The following VOPP1 variants were observed in gnomAD, a reference collection of about 807,000 sequenced individuals.
The protein encoded by VOPP1 is WW domain binding protein VOPP1.
A neutral mutation model predicts 23.5 loss-of-function variants in VOPP1; 8 were observed. The observed-to-expected ratio is 0.34, with a 90% CI of 0.20 to 0.61. The LOEUF is 0.61. VOPP1 is among the 20% of genes least tolerant of loss of function. The probability of loss-of-function intolerance (pLI) is 0.78; values close to 1 mark genes in which losing one functional copy is unlikely to be tolerated. For missense variants in VOPP1, 174 were observed against 238.1 expected (o/e 0.73, Z 1.77); for synonymous variants, 83 against 97.3 (o/e 0.85, Z 0.86).
chr7:55,528,390 C>T (rs1045968573), intron 1 of VOPP1, among the ~76,000 whole-genome samples: 4 of 152,182 alleles, frequency 2.6e-5, no homozygotes, highest in Non-Finnish European at 5.9e-5. Context: ...GGAACCTGTA[C>T]ATTTTATTTT....
chr7:55,486,495 A>T (rs1299722259), intron 4 of VOPP1, among the ~76,000 whole-genome samples: 2 of 152,220 alleles, frequency 1.3e-5, no homozygotes, highest in Non-Finnish European at 2.9e-5. Flanking sequence ...CGTAAGAATA[A>T]CGGAGACAGA....
At chr7:55,541,294 G>A (rs73139628) in intron 1 of VOPP1, among the ~76,000 whole-genome samples, 13,956 of 152,172 alleles carry the variant, frequency 0.092, 886 homozygotes, top group East Asian at 0.27. Context: ...TTTTTTAAAT[G>A]GGCAAAGGAT....
At chr7:55,507,785 C>T (rs188305037) in intron 2 of VOPP1, among the ~76,000 whole-genome samples, 3 of 152,160 alleles carry the variant, frequency 2.0e-5, no homozygotes, top group Admixed American at 2.0e-4. Context: ...TGTGTTGAGA[C>T]GTGTGGTCCC....
intron 1 of VOPP1, among the ~76,000 whole-genome samples, chr7:55,546,093 G>T (rs982708009): frequency 8.6e-5 from 13 of 151,988 alleles, no homozygotes; most frequent in Non-Finnish European, 1.5e-4. Context: ...ATAAAGAAAA[G>T]AAAAAGTGAA....
At chr7:55,457,771 C>T (rs1024030043) in intron 4 of VOPP1, among the ~76,000 whole-genome samples, 1 of 151,934 alleles carries the variant, frequency 6.6e-6, no homozygotes, top group Non-Finnish European at 1.5e-5. Context: ...AGAAATGTCT[C>T]TTCATGTCCT....
chr7:55,565,289 G>A (rs1798128285), intron 1 of VOPP1, among the ~76,000 whole-genome samples: 1 of 152,060 alleles, frequency 6.6e-6, no homozygotes, highest in Non-Finnish European at 1.5e-5. Context: ...CTCATTTGTT[G>A]GATCTCTTTT....
chr7:55,468,316 G>C (rs1026876635), downstream of VOPP1, among the ~76,000 whole-genome samples: 24 of 150,230 alleles, frequency 1.6e-4, no homozygotes, highest in Admixed American at 4.0e-4. Context: ...AGAAAGAAAA[G>C]AGAGGCCCTG....
At chr7:55,485,693 G>A (rs902998602) in intron 4 of VOPP1, among the ~76,000 whole-genome samples, 15 of 152,182 alleles carry the variant, frequency 9.9e-5, no homozygotes, top group African/African-American at 2.7e-4. Flanking sequence ...GCCCGCACAC[G>A]GGACGTGCAC....
intron 4 of VOPP1, among the ~76,000 whole-genome samples, chr7:55,440,324 G>A (rs1383964260): frequency 6.6e-6 from 1 of 152,190 alleles, no homozygotes; most frequent in Non-Finnish European, 1.5e-5. Flanking sequence ...AGTTTCTGGG[G>A]TTGGCAGCTC....
rs1157317256 is a variant in VOPP1 at position 55,476,287 on chromosome 7, G to A, written c.329-3242C>T. On this transcript the variant is annotated intron_variant, in intron 4 of 4. Coordinates refer to ENST00000285279, the MANE Select transcript of VOPP1 (RefSeq NM_030796.5). Reference sequence around the variant, plus strand: ...CTCCAGGCTCAGCAAAGACTGGGAGGACACGCTGTGATGTTAACTGACAAT... The same window carrying A: ...CTCCAGGCTCAGCAAAGACTGGGAGAACACGCTGTGATGTTAACTGACAAT... Among the ~76,000 whole-genome samples the A allele has an allele frequency of 3.9e-5, 6 of 152,296 alleles. No homozygotes were observed. In the East Asian group the frequency reaches 1.2e-3, roughly 29 times the overall value.
intron 4 of VOPP1, among the ~76,000 whole-genome samples, chr7:55,449,855 T>C (rs1237669593): frequency 1.3e-5 from 2 of 152,130 alleles, no homozygotes; most frequent in African/African-American, 4.8e-5. Context: ...CGCCTACTTC[T>C]GGGCATCAGG....
intron 1 of VOPP1, among the ~76,000 whole-genome samples, chr7:55,566,576 G>A (rs1213373345): frequency 6.6e-6 from 1 of 151,972 alleles, no homozygotes; most frequent in African/African-American, 2.4e-5. Flanking sequence ...TAAATAAATA[G>A]ATTTAAAATA....
rs1795330575 is a variant in VOPP1, at chr7:55,515,292, AGGCCCAGGTAACCTCT to A, written c.113+5764_113+5779del. Among the ~76,000 whole-genome samples, 8 of 152,310 alleles carry A rather than the reference AGGCCCAGGTAACCTCT, an allele frequency of 5.3e-5. No individual in the cohort carries two copies. In the South Asian group the frequency reaches 1.7e-3, roughly 32 times the overall value. ...GTGGTGTCCATTCAGGCACCGAGGAAGGCCCAGGTAACCTCTGGCAGATATCAAAGATGGGCTGGGA... is the reference window on the plus strand; with the variant it reads ...GTGGTGTCCATTCAGGCACCGAGGAAGGCAGATATCAAAGATGGGCTGGGA... On this transcript the variant is annotated intron_variant, in intron 2 of 4. Coordinates refer to ENST00000285279, the MANE Select transcript of VOPP1 (RefSeq NM_030796.5).
intron 1 of VOPP1, among the ~76,000 whole-genome samples, chr7:55,550,593 T>C (rs1023006715): frequency 6.6e-6 from 1 of 152,134 alleles, no homozygotes; most frequent in Admixed American, 6.5e-5. Flanking sequence ...ATTTCAGCAT[T>C]CTTACAATAT....
At chr7:55,505,156 G>T (rs1190329309) in intron 2 of VOPP1, among the ~76,000 whole-genome samples, 1 of 152,068 alleles carries the variant, frequency 6.6e-6, no homozygotes, top group African/African-American at 2.4e-5. Context: ...GTTTTGCTGG[G>T]ACCCAGGACT....
intron 1 of VOPP1, among the ~76,000 whole-genome samples, chr7:55,524,700 C>A (rs942296590): frequency 7.9e-5 from 12 of 152,252 alleles, no homozygotes; most frequent in Middle Eastern, 3.4e-3. Context: ...AACTGAACAC[C>A]AGGTGTCAGA....
intron 4 of VOPP1, among the ~76,000 whole-genome samples, chr7:55,442,866 CA>C (rs1791001667): frequency 6.6e-6 from 1 of 152,172 alleles, no homozygotes; most frequent in East Asian, 1.9e-4. Context: ...CCTGTAATCC[CA>C]GCACTTTGGG....
At chr7:55,552,551 C>G (rs1003812831) in intron 1 of VOPP1, 1 of 1,524,320 alleles carries the variant, frequency 6.6e-7, no homozygotes, top group Non-Finnish European at 8.8e-7. Flanking sequence ...CATGATTTTC[C>G]CAGGGTGACA....
At chr7:55,534,269 C>T (rs1290655190) in intron 1 of VOPP1, among the ~76,000 whole-genome samples, 1 of 151,842 alleles carries the variant, frequency 6.6e-6, no homozygotes, top group Non-Finnish European at 1.5e-5. Flanking sequence ...ATCTAAATTC[C>T]ATCTGGGGAC....
Sources: gnomAD v4.1 joint callset for allele counts (sites outside exome capture counted in the v4.1 genomes callset) on GRCh38, gnomAD v4.1.1 for gene constraint, MANE v1.5 for transcripts, NCBI Gene and HGNC (gene_info 2026-07-23, HGNC 2026-07-21) for gene names.